Variants in LYPD1 observed in about 807,000 individuals in gnomAD.
LYPD1 encodes the protein LY6/PLAUR domain containing 1.
In LYPD1, 14 loss-of-function variants were observed where a neutral mutation model predicts 14.2. The observed-to-expected ratio is 0.99, with a 90% CI of 0.65 to 1.54. The LOEUF (loss-of-function observed/expected upper bound fraction) is 1.54. LYPD1 is among the 40% of genes most tolerant of loss of function. The probability of loss-of-function intolerance (pLI) is 0.00; values close to 1 mark genes in which losing one functional copy is unlikely to be tolerated. For synonymous variants in LYPD1, 85 were observed against 70.6 expected, an observed-to-expected ratio of 1.20 and a Z score of -1.02; for missense variants, 165 against 175.7, an observed-to-expected ratio of 0.94 and a Z score of 0.34.
At chr2:132,671,033 C>T (rs936586334), upstream of LYPD1, 1 of 152,584 alleles carries the variant, frequency 6.6e-6, no homozygotes, top group African/African-American at 2.4e-5. Context: ...CCAGCCGGCT[C>T]CATTCTGCTT....
intron 2 of LYPD1, among the ~76,000 whole-genome samples, chr2:132,657,548 G>A (rs1434629011): frequency 6.6e-6 from 1 of 152,072 alleles, no homozygotes. Context: ...GTGGCATAAC[G>A]ACTTCCAGAT....
chr2:132,645,598 G>T lies in LYPD1; in HGVS notation c.*447C>A, dbSNP rs1423014254. ...TGCAGAGAATGGTTTTCAGGAGCAT[G>T]AAGTTTGAATGTCAAGCGAGGGAGC... On this transcript the variant is annotated 3_prime_UTR_variant, in exon 3 of 3. Coordinates refer to ENST00000397463, the MANE Select transcript of LYPD1 (RefSeq NM_144586.7). The T allele has an allele frequency of 6.2e-7, 1 of 1,610,728 alleles. No homozygotes were observed. The highest frequency in any genetic ancestry group is 1.1e-5 in the South Asian group (1 of 90,726).
chr2:132,660,169 G>A (rs1184637760), intron 2 of LYPD1, among the ~76,000 whole-genome samples: 1 of 152,216 alleles, frequency 6.6e-6, no homozygotes, highest in Non-Finnish European at 1.5e-5. Context: ...CATGTCCAGT[G>A]AGAAATGAAA....
intron 2 of LYPD1, among the ~76,000 whole-genome samples, chr2:132,656,510 G>A (rs771513494): frequency 6.6e-6 from 1 of 151,436 alleles, no homozygotes; most frequent in Non-Finnish European, 1.5e-5. Context: ...AAAGATCTTC[G>A]ATCTGCATCC....
rs755727596 is a variant in LYPD1 at position 132,645,203 on chromosome 2, G to A, written c.*842C>T. Reference sequence around the variant, plus strand: ...CACGACTGGACGAGGTCCTACTTCCGGGCGTACATGATCCTCCTCCCCTTC... The same window carrying A: ...CACGACTGGACGAGGTCCTACTTCCAGGCGTACATGATCCTCCTCCCCTTC... On this transcript the variant is annotated 3_prime_UTR_variant, in exon 3 of 3. Transcript: ENST00000397463. 9 of 1,613,978 alleles carry A rather than the reference G, an allele frequency of 5.6e-6. No homozygotes were observed. In the African/African-American group the frequency reaches 8.0e-5, roughly 14 times the overall value.
At chr2:132,655,128 T>C (rs1322192587) in intron 2 of LYPD1, among the ~76,000 whole-genome samples, 1 of 152,126 alleles carries the variant, frequency 6.6e-6, no homozygotes, top group African/African-American at 2.4e-5. Flanking sequence ...ACGCTGCTTA[T>C]CCCTTTCCTG....
rs562798756 is a variant in LYPD1 at position 132,664,286 on chromosome 2, C to T, written c.190+4114G>A. The stretch of plus-strand genomic sequence containing the variant: ...AAAACACAGGCTGTGGTTAACTTTC[C>T]ACTTCTTTCTACTAAGAGTGGATGA... On this transcript the variant is annotated intron_variant, in intron 2 of 2. Transcript: ENST00000397463. Among the ~76,000 whole-genome samples, 12 of 152,274 alleles carry T rather than the reference C, an allele frequency of 7.9e-5. 1 individual carries two copies. Among genetic ancestry groups the T allele is most frequent in the Middle Eastern group, 6.8e-3 (2 of 292 alleles).
intron 2 of LYPD1, among the ~76,000 whole-genome samples, chr2:132,654,269 C>T (rs919404424): frequency 3.9e-5 from 6 of 152,086 alleles, no homozygotes; most frequent in Non-Finnish European, 5.9e-5. Context: ...GGCATGGTGG[C>T]GCTTGCCTGT....
intron 2 of LYPD1, among the ~76,000 whole-genome samples, chr2:132,663,344 G>T (rs1683078654): frequency 6.6e-6 from 1 of 152,182 alleles, no homozygotes; most frequent in Non-Finnish European, 1.5e-5. Context: ...AGTAATCTCA[G>T]CTCATTACAA....
chr2:132,645,194 C>A lies in LYPD1; in HGVS notation c.*851G>T, dbSNP rs1681989290. 1.2e-6 allele frequency: 2 copies of A among 1,614,158 alleles called. No individual in the cohort carries two copies. The highest frequency in any genetic ancestry group is 1.7e-6 in the Non-Finnish European group (2 of 1,180,028). On this transcript the variant is annotated 3_prime_UTR_variant, in exon 3 of 3. Transcript: ENST00000397463. The stretch of plus-strand genomic sequence containing the variant: ...AAACCCAAGCACGACTGGACGAGGT[C>A]CTACTTCCGGGCGTACATGATCCTC...
Position 132,669,827 on chromosome 2 carries a change from G to A in LYPD1, c.52+54C>T. The A allele has an allele frequency of 6.2e-7, 1 of 1,602,256 alleles. No individual in the cohort carries two copies. Among genetic ancestry groups the A allele is most frequent in the Non-Finnish European group, 8.5e-7 (1 of 1,174,020 alleles). On this transcript the variant is annotated intron_variant, in intron 1 of 2. Transcript: ENST00000397463. This position sits in a 1 kb window ranked among gnomAD's most constrained non-coding sequence, Gnocchi z 4.3. ...CGCCTTGGGGGCAAAAGGGCTGGCG[G>A]GTAGATGGATTGTGCGCACCTGGCC...
At chr2:132,650,479 C>G (rs1369019102) in intron 2 of LYPD1, among the ~76,000 whole-genome samples, 1 of 152,128 alleles carries the variant, frequency 6.6e-6, no homozygotes, top group East Asian at 1.9e-4. Context: ...TACAGACATA[C>G]TCACATACAT....
upstream of LYPD1, chr2:132,671,062 A>T (rs949217029): frequency 1.3e-5 from 2 of 152,510 alleles, no homozygotes; most frequent in African/African-American, 4.8e-5. Context: ...GCCACCGATT[A>T]TTAGCACATA....
rs1314525538 is a variant in LYPD1, at chr2:132,645,550, G to A, written c.*495C>T. On this transcript the variant is annotated 3_prime_UTR_variant, in exon 3 of 3. Coordinates refer to ENST00000397463, the MANE Select transcript of LYPD1 (RefSeq NM_144586.7). ...TCTCGAGTCACTAGAGCCCAACTCAGGCGCGAAACCAGCCAATTCTGCTGC... is the reference window on the plus strand; with the variant it reads ...TCTCGAGTCACTAGAGCCCAACTCAAGCGCGAAACCAGCCAATTCTGCTGC... 3 of 1,614,032 alleles carry A rather than the reference G, an allele frequency of 1.9e-6. No homozygotes were observed. Among genetic ancestry groups the A allele is most frequent in the Non-Finnish European group, 2.5e-6 (3 of 1,180,034 alleles).
intron 2 of LYPD1, among the ~76,000 whole-genome samples, chr2:132,659,240 T>C (rs1337272015): frequency 6.6e-6 from 1 of 152,244 alleles, no homozygotes; most frequent in East Asian, 1.9e-4. Flanking sequence ...TAAATCTGTT[T>C]TAGCTTGAAA....
rs183320158 is a variant in LYPD1 at position 132,654,780 on chromosome 2, G to T, written c.191-8500C>A. On this transcript the variant is annotated intron_variant, in intron 2 of 2. Transcript: ENST00000397463. ...TTATTTATTTATTTGATGGAGCCTC[G>T]CTTTGTCACCCAGGCTGGAGTGCAG... Among the ~76,000 whole-genome samples the T allele has an allele frequency of 1.4e-4, 22 of 151,750 alleles. No homozygotes were observed. In the East Asian group the frequency reaches 3.9e-3, roughly 27 times the overall value.
upstream of LYPD1, among the ~76,000 whole-genome samples, chr2:132,670,443 G>A (rs1176965217): frequency 6.6e-6 from 1 of 152,260 alleles, no homozygotes; most frequent in Non-Finnish European, 1.5e-5. The surrounding 1 kb of genome is among the most constrained non-coding windows in gnomAD (Gnocchi z 4.5). Flanking sequence ...GGGGAGGTTG[G>A]GGGAGCGGCG....
In LYPD1 at chr2:132,669,987, A is replaced by G. The variant is rs761171430; in HGVS notation, c.-55T>C. On this transcript the variant is annotated 5_prime_UTR_variant, in exon 1 of 3. Transcript: ENST00000397463. This position sits in a 1 kb window ranked among gnomAD's most constrained non-coding sequence, Gnocchi z 4.3. Reference sequence around the variant, plus strand: ...CAAGCGCATCAGAGGAGGCGACAGCAGCGGAGGCTGCCCCGGCTGCAGCGG... The same window carrying G: ...CAAGCGCATCAGAGGAGGCGACAGCGGCGGAGGCTGCCCCGGCTGCAGCGG... 1 of 1,597,552 alleles carries G rather than the reference A, an allele frequency of 6.3e-7. No homozygotes were observed. Among genetic ancestry groups the G allele is most frequent in the African/African-American group, 1.4e-5 (1 of 73,964 alleles).
chr2:132,669,290 T>G lies in LYPD1; in HGVS notation c.52+591A>C, dbSNP rs1200447092. 2.6e-5 allele frequency among the ~76,000 whole-genome samples: 4 copies of G among 152,092 alleles called. No individual in the cohort carries two copies. Among genetic ancestry groups the G allele is most frequent in the African/African-American group, 9.7e-5 (4 of 41,418 alleles). ...GGGTCAGTGGTCGGGGTTCCAGCTC[T>G]GCAGAGCTTAGTCGGGAGCCAGTAG... On this transcript the variant is annotated intron_variant, in intron 1 of 2. Coordinates refer to ENST00000397463, the MANE Select transcript of LYPD1 (RefSeq NM_144586.7). This position sits in a 1 kb window ranked among gnomAD's most constrained non-coding sequence, Gnocchi z 4.3.
Sources: allele counts gnomAD v4.1 joint callset (sites outside exome capture counted in the v4.1 genomes callset), GRCh38; gene constraint gnomAD v4.1.1; non-coding constraint Gnocchi (gnomAD v3.1); transcripts MANE v1.5; gene names NCBI Gene and HGNC (gene_info 2026-07-23, HGNC 2026-07-21).